TMEM178B: variants seen among roughly 807,000 people sequenced by gnomAD.
TMEM178B encodes the protein transmembrane protein 178B.
Under a neutral mutation model 31.0 loss-of-function variants are expected in TMEM178B, and 5 were observed. The observed-to-expected ratio is 0.16, with a 90% CI of 0.08 to 0.34. The LOEUF (loss-of-function observed/expected upper bound fraction) is 0.34. Ranked by LOEUF, TMEM178B falls within the 10% of genes least tolerant of loss-of-function variation. TMEM178B has a pLI of 1.00. For missense variants in TMEM178B, 275 were observed against 400.3 expected (o/e 0.69, Z 2.67); for synonymous variants, 164 against 164.0 (o/e 1.00, Z 0.00).
At chr7:141,330,941 C>T (rs948703182) in intron 2 of TMEM178B, among the ~76,000 whole-genome samples, 3 of 152,204 alleles carry the variant, frequency 2.0e-5, no homozygotes, top group African/African-American at 7.2e-5. Context: ...GTTGAGCCAA[C>T]AGGCTTTGCT....
chr7:141,488,381 C>T, the TMEM178B span, among the ~76,000 whole-genome samples: 1 of 152,112 alleles, frequency 6.6e-6, no homozygotes, highest in African/African-American at 2.4e-5. Context: ...ATTTTGGAGG[C>T]CAAGTGTGGA....
At position 141,376,760 on chromosome 7, in the gene TMEM178B, A is replaced by G. The variant is rs796102998; in HGVS notation, c.497-60848A>G. 1.7e-4 allele frequency among the ~76,000 whole-genome samples: 26 copies of G among 152,294 alleles called. 1 individual carries two copies. The highest frequency in any genetic ancestry group is 5.8e-4 in the African/African-American group (24 of 41,562). On this transcript the variant is annotated intron_variant, in intron 2 of 3. Coordinates refer to ENST00000565468, the MANE Select transcript of TMEM178B (RefSeq NM_001195278.2). ...AGAAGCTGAGACATTCTGCAGGACT[A>G]CTGGCTTGGTGTTTTCACAAATCAG...
At chr7:141,483,504 C>G (rs1321622389), downstream of TMEM178B, among the ~76,000 whole-genome samples, 1 of 152,126 alleles carries the variant, frequency 6.6e-6, no homozygotes, top group Non-Finnish European at 1.5e-5. Context: ...TTAAGCAGGT[C>G]TGGATTGAAG....
At chr7:141,281,446 T>A (rs899607843) in intron 2 of TMEM178B, among the ~76,000 whole-genome samples, 1 of 152,198 alleles carries the variant, frequency 6.6e-6, no homozygotes, top group African/African-American at 2.4e-5. Context: ...GTCATTTATC[T>A]AGTCTCTAGT....
intron 2 of TMEM178B, among the ~76,000 whole-genome samples, chr7:141,307,537 C>T (rs370354473): frequency 4.6e-5 from 7 of 152,250 alleles, no homozygotes; most frequent in African/African-American, 1.4e-4. Flanking sequence ...CAGACTCTGC[C>T]GGAGCACATA....
At chr7:141,268,669 A>C (rs1798132147) in intron 2 of TMEM178B, among the ~76,000 whole-genome samples, 1 of 152,266 alleles carries the variant, frequency 6.6e-6, no homozygotes, top group African/African-American at 2.4e-5. Context: ...ATTGTAAGCA[A>C]GTGGGATCCA....
chr7:141,480,573 A>G (rs1212489489), downstream of TMEM178B, among the ~76,000 whole-genome samples: 1 of 152,292 alleles, frequency 6.6e-6, no homozygotes, highest in Non-Finnish European at 1.5e-5. Flanking sequence ...CCAAAGGTAC[A>G]TGCTTCGCAT....
chr7:141,341,419 G>A (rs1051376605), intron 2 of TMEM178B, among the ~76,000 whole-genome samples: 1 of 152,092 alleles, frequency 6.6e-6, no homozygotes, highest in South Asian at 2.1e-4. Context: ...TACCTAAGGG[G>A]TTTCTCTTTG....
intron 2 of TMEM178B, among the ~76,000 whole-genome samples, chr7:141,390,718 G>A (rs767782747): frequency 1.6e-4 from 24 of 152,282 alleles, no homozygotes; most frequent in African/African-American, 5.3e-4. Flanking sequence ...TCCCAGTTAC[G>A]ACCTTTAGCT....
the TMEM178B span, among the ~76,000 whole-genome samples, chr7:141,505,267 C>T: frequency 6.6e-6 from 1 of 152,238 alleles, no homozygotes; most frequent in African/African-American, 2.4e-5. Flanking sequence ...AGCTAAAAAG[C>T]ATCCACCACT....
chr7:141,119,424 G>A (rs1001771023), intron 1 of TMEM178B, among the ~76,000 whole-genome samples: 5 of 152,074 alleles, frequency 3.3e-5, no homozygotes, highest in African/African-American at 9.7e-5. Context: ...GGATGGGGGC[G>A]GAACACTGAT....
intron 2 of TMEM178B, among the ~76,000 whole-genome samples, chr7:141,361,495 A>C (rs144251805): frequency 6.6e-6 from 1 of 152,226 alleles, no homozygotes; most frequent in African/African-American, 2.4e-5. Context: ...TGTTTAAAAG[A>C]TTAGTTGCCA....
At chr7:141,170,071 A>AT (rs1796323809) in intron 1 of TMEM178B, among the ~76,000 whole-genome samples, 1 of 152,190 alleles carries the variant, frequency 6.6e-6, no homozygotes, top group African/African-American at 2.4e-5. Context: ...AGATTTCTAC[A>AT]TTTTTGCCAT....
intron 2 of TMEM178B, 115 bp from the exon 3 acceptor site, chr7:141,437,493 G>A (rs1181011941): frequency 1.5e-6 from 2 of 1,369,010 alleles, no homozygotes; most frequent in African/African-American, 2.9e-5. Flanking sequence ...AGGGCAGGTT[G>A]CCTTCCTGCT....
At chr7:141,141,308 T>C (rs1473072319) in intron 1 of TMEM178B, among the ~76,000 whole-genome samples, 1 of 152,144 alleles carries the variant, frequency 6.6e-6, no homozygotes, top group Admixed American at 6.5e-5. Flanking sequence ...CTTCTTACTT[T>C]CTGGCAGTAC....
intron 2 of TMEM178B, among the ~76,000 whole-genome samples, chr7:141,394,020 C>CTT (rs554688585): frequency 1.4e-5 from 2 of 145,878 alleles, no homozygotes; most frequent in Non-Finnish European, 3.0e-5. Flanking sequence ...GGAAACTCCT[C>CTT]TTTTTTTTTT....
At chr7:141,234,614 G>A (rs1375582249) in intron 2 of TMEM178B, among the ~76,000 whole-genome samples, 2 of 152,154 alleles carry the variant, frequency 1.3e-5, no homozygotes, top group Non-Finnish European at 2.9e-5. Flanking sequence ...ATTCCCCCTC[G>A]TGCAGAACCT....
At position 141,474,903 on chromosome 7, in the gene TMEM178B, G is replaced by A. The variant is rs967684938; in HGVS notation, c.*4117G>A. On this transcript the variant is annotated 3_prime_UTR_variant, in exon 4 of 4. Coordinates refer to ENST00000565468, the MANE Select transcript of TMEM178B (RefSeq NM_001195278.2). ...GACTCTCTCTTCACCTGGATTATGT[G>A]CTGAGTGTTAAGTGATTTTTCAAAT... 16 of 152,208 alleles carry A rather than the reference G, an allele frequency of 1.1e-4. No individual in the cohort carries two copies. Among genetic ancestry groups the A allele is most frequent in the African/African-American group, 3.6e-4 (15 of 41,432 alleles). The allele number at this position is 152,208 out of a possible 1,614,324, so 9.4% of individuals were successfully genotyped here. A position where few individuals can be genotyped will look rare whatever the true frequency, so the allele number is the denominator to read the frequency against.
rs544024357 is a variant in TMEM178B at position 141,235,134 on chromosome 7, C to T, written c.496+22430C>T. On this transcript the variant is annotated intron_variant, in intron 2 of 3. Transcript: ENST00000565468. ...TTGGCCTCTATGGCGAATGGGCTTC[C>T]GTCGACACATCTTCATTTGTGACTG... Among the ~76,000 whole-genome samples, 6 of 152,286 alleles carry T rather than the reference C, an allele frequency of 3.9e-5. No individual in the cohort carries two copies. The South Asian group carries it at 8.3e-4, about 21-fold the overall frequency.
Sources: gnomAD v4.1 joint callset for allele counts (sites outside exome capture counted in the v4.1 genomes callset) on GRCh38, gnomAD v4.1.1 for gene constraint, MANE v1.5 for transcripts, NCBI Gene and HGNC (gene_info 2026-07-23, HGNC 2026-07-21) for gene names.